CLEC18B: variants seen among roughly 807,000 people sequenced by gnomAD.
CLEC18B encodes the protein mannose receptor-like 2.
CLEC18B carries 5 observed loss-of-function variants against 60.4 expected under a neutral mutation model. That is an observed-to-expected ratio of 0.08 (90% CI 0.04 to 0.17). The LOEUF (loss-of-function observed/expected upper bound fraction) is 0.17. CLEC18B is among the 10% of genes least tolerant of loss of function. The pLI is 1.00. For synonymous variants in CLEC18B, 16 were observed against 221.2 expected (o/e 0.07, Z 8.23); for missense variants, 26 against 572.8 (o/e 0.05, Z 9.74).
chr16:74,414,172 G>A (rs1819402333), intron 3 of CLEC18B, among the ~76,000 whole-genome samples: 1 of 152,304 alleles, frequency 6.6e-6, no homozygotes, highest in South Asian at 2.1e-4. Context: ...ACCGTGCCCA[G>A]CCTAGGAAGG....
intron 2 of CLEC18B, among the ~76,000 whole-genome samples, chr16:74,418,770 C>T (rs1346195268): frequency 3.3e-5 from 5 of 152,230 alleles, no homozygotes; most frequent in South Asian, 2.1e-4. Flanking sequence ...CTCCCCACCA[C>T]GCACAGCTGA....
upstream of CLEC18B, among the ~76,000 whole-genome samples, chr16:74,423,837 C>T (rs1324375948): frequency 2.6e-5 from 4 of 152,234 alleles, no homozygotes; most frequent in South Asian, 4.1e-4. Flanking sequence ...GATGGCACTC[C>T]CACTCCTGAA....
upstream of CLEC18B, chr16:74,422,292 CG>C (rs2013716872): frequency 6.5e-6 from 1 of 153,042 alleles, no homozygotes; most frequent in African/African-American, 2.4e-5. Context: ...ACGTTCCTCT[CG>C]GGGCAGACCG....
chr16:74,423,025 TG>T (rs1191298894), upstream of CLEC18B, among the ~76,000 whole-genome samples: 1 of 145,696 alleles, frequency 6.9e-6, no homozygotes, highest in Admixed American at 7.2e-5. Flanking sequence ...TTCAAGTTAT[TG>T]CCACAAGAAC....
chr16:74,417,264 C>CAAAT (rs1264455921), intron 3 of CLEC18B, among the ~76,000 whole-genome samples: 1 of 144,486 alleles, frequency 6.9e-6, no homozygotes, highest in African/African-American at 2.6e-5. Flanking sequence ...GACTTCGTCT[C>CAAAT]AAATAAATAA....
At chr16:74,409,686 G>A in intron 10 of CLEC18B, 45 bp from the exon 11 acceptor site, 1 of 1,614,078 alleles carries the variant, frequency 6.2e-7, no homozygotes, top group Non-Finnish European at 8.5e-7. Context: ...GTGAAGTCAG[G>A]GATCCGGGAG....
chr16:74,409,352 G>A (rs1455853648), intron 11 of CLEC18B, among the ~76,000 whole-genome samples, 198 bp downstream of exon 11: 1 of 149,096 alleles, frequency 6.7e-6, no homozygotes, highest in African/African-American at 2.5e-5. Context: ...TGGCCTTGCT[G>A]TATGAAGCTG....
intron 3 of CLEC18B, among the ~76,000 whole-genome samples, chr16:74,414,896 C>T (rs1228557410): frequency 1.3e-5 from 2 of 151,554 alleles, no homozygotes; most frequent in African/African-American, 4.9e-5. Flanking sequence ...TGGCTTGTAG[C>T]AGGCAGATGT....
upstream of CLEC18B, chr16:74,422,346 T>C: frequency 6.6e-6 from 1 of 152,306 alleles, no homozygotes; most frequent in South Asian, 2.1e-4. Context: ...GCAAACCAAC[T>C]ACGTCCTCCT....
chr16:74,410,250 T>A (rs1597174612), intron 10 of CLEC18B, among the ~76,000 whole-genome samples: 1 of 152,278 alleles, frequency 6.6e-6, no homozygotes, highest in Admixed American at 6.5e-5. Flanking sequence ...GGTGAGTGGA[T>A]GAGAATTGGA....
chr16:74,413,849 C>CTTTTTTTTTTAT (rs10676553), intron 3 of CLEC18B, among the ~76,000 whole-genome samples, 173 bp from the exon 4 acceptor site: 37 of 149,474 alleles, frequency 2.5e-4, no homozygotes, highest in African/African-American at 7.1e-4. Context: ...TTCAGGAAGG[C>CTTTTTTTTTTAT]TTATTTATTT....
At chr16:74,423,626 T>C (rs1373661020), upstream of CLEC18B, among the ~76,000 whole-genome samples, 8 of 151,502 alleles carry the variant, frequency 5.3e-5, no homozygotes, top group Non-Finnish European at 1.2e-4. Context: ...GAGGCGGAGG[T>C]TGCAGTGAAG....
intron 2 of CLEC18B, among the ~76,000 whole-genome samples, chr16:74,418,721 T>C (rs1181752089): frequency 3.9e-4 from 60 of 152,362 alleles, no homozygotes; most frequent in Non-Finnish European, 7.6e-4. Context: ...CACACCTCTC[T>C]GCCCTAGTCT....
intron 2 of CLEC18B, among the ~76,000 whole-genome samples, chr16:74,418,786 C>T (rs2013539991): frequency 6.6e-6 from 1 of 151,404 alleles, no homozygotes; most frequent in Non-Finnish European, 1.5e-5. Flanking sequence ...GCTGACCCCG[C>T]CCCCTCCCTC....
At chr16:74,410,318 G>A in intron 10 of CLEC18B, among the ~76,000 whole-genome samples, 1 of 152,284 alleles carries the variant, frequency 6.6e-6, no homozygotes, top group Non-Finnish European at 1.5e-5. Context: ...AGGCTTCCTG[G>A]GTCCCTCTCT....
At position 74,421,189 on chromosome 16, in the gene CLEC18B, C is replaced by T. The variant is rs1487124880; in HGVS notation, c.82G>A (p.Val28Met). ...LALLGTTWAE[V>M]WPPQLQEQAP... ...TGCTCCTGCAGCTGGGGTGGCCACA[C>T]CTCTGCCCAGGTGGTGCCAAGGAGG... Residue 28 changes from valine to methionine, a missense_variant, in exon 1 of 12, where the codon GTG becomes ATG. Transcript: ENST00000682950. 4.3e-6 allele frequency: 7 copies of T among 1,609,620 alleles called. No individual in the cohort carries two copies. Among genetic ancestry groups the T allele is most frequent in the Middle Eastern group, 4.5e-4 (2 of 4,454 alleles).
Position 74,421,437 on chromosome 16 carries a change from G to C in CLEC18B, c.-167C>G. ...AAGGAGGCTGGTGAGTGAGTAATCA[G>C]TGTGTCCAGACAGCCTCCTGTTGGC... is the stretch of plus-strand genomic sequence containing the variant. On this transcript the variant is annotated 5_prime_UTR_variant, in exon 1 of 12. Transcript: ENST00000682950. 6.8e-7 allele frequency: 1 copy of C among 1,475,440 alleles called. No individual in the cohort carries two copies. 91.4% of individuals were successfully genotyped at this position (1,475,440 alleles called of 1,614,324 possible).
upstream of CLEC18B, among the ~76,000 whole-genome samples, chr16:74,422,823 T>C (rs1376690892): frequency 5.3e-5 from 8 of 152,086 alleles, no homozygotes; most frequent in African/African-American, 1.9e-4. Flanking sequence ...CCACCATGCC[T>C]GGCTAATTAT....
At chr16:74,416,225 T>G (rs2013408361) in intron 3 of CLEC18B, among the ~76,000 whole-genome samples, 1 of 144,740 alleles carries the variant, frequency 6.9e-6, no homozygotes, top group Non-Finnish European at 1.5e-5. Context: ...ATCGCACCAC[T>G]GCACAGCAGC....
Sources: gnomAD v4.1 joint callset for allele counts (sites outside exome capture counted in the v4.1 genomes callset) on GRCh38, gnomAD v4.1.1 for gene constraint, MANE v1.5 for transcripts, NCBI Gene and HGNC (gene_info 2026-07-23, HGNC 2026-07-21) for gene names.